MFHAS1: variants seen among roughly 807,000 people sequenced by gnomAD.
MFHAS1 encodes the protein malignant fibrous histiocytoma-amplified sequence 1.
Under a neutral mutation model 70.4 loss-of-function variants are expected in MFHAS1, and 50 were observed. The ratio of observed to expected loss-of-function variants is 0.71; its 90% CI spans 0.57 to 0.90. The LOEUF is 0.90. MFHAS1 is among the 40% of genes least tolerant of loss of function. The pLI is 0.00. For missense variants in MFHAS1, 1,795 were observed against 1,347.6 expected, an observed-to-expected ratio of 1.33 and a Z score of -5.20; for synonymous variants, 952 against 620.0, an observed-to-expected ratio of 1.54 and a Z score of -7.96.
At chr8:8,832,052 GCGCGCGCGCGCA>G (rs1807411667) in intron 1 of MFHAS1, among the ~76,000 whole-genome samples, 1 of 35,812 alleles carries the variant, frequency 2.8e-5, no homozygotes, top group African/African-American at 7.7e-5. Context: ...ACATGCACGC[GCGCGCGCGCGCA>G]CACACACACA....
intron 1 of MFHAS1, among the ~76,000 whole-genome samples, chr8:8,873,151 T>C (rs1454509577): frequency 6.6e-6 from 1 of 152,272 alleles, no homozygotes; most frequent in Non-Finnish European, 1.5e-5. Context: ...TTTCTATTTT[T>C]AGTTCTTCCA....
At chr8:8,881,964 C>T (rs1809543100) in intron 1 of MFHAS1, among the ~76,000 whole-genome samples, 1 of 152,100 alleles carries the variant, frequency 6.6e-6, no homozygotes, top group Non-Finnish European at 1.5e-5. Flanking sequence ...TGCTAAGTGC[C>T]CCTTGCCCAC....
chr8:8,870,963 C>G (rs898749471), intron 1 of MFHAS1, among the ~76,000 whole-genome samples: 6 of 152,166 alleles, frequency 3.9e-5, no homozygotes, highest in African/African-American at 1.4e-4. Flanking sequence ...CTCTGTTGCC[C>G]AGGCTGGAGT....
intron 1 of MFHAS1, among the ~76,000 whole-genome samples, chr8:8,853,466 TA>T (rs58475480): frequency 0.088 from 10,601 of 120,118 alleles, 1,020 homozygotes; most frequent in African/African-American, 0.26. Flanking sequence ...TGCTCATTCT[TA>T]AAAAAAAAAA....
chr8:8,837,201 T>G (rs1330981040), intron 1 of MFHAS1, among the ~76,000 whole-genome samples: 1 of 152,212 alleles, frequency 6.6e-6, no homozygotes. Flanking sequence ...AATGTTCTGC[T>G]GAGTTGAGCA....
chr8:8,851,466 A>C (rs1808245373), intron 1 of MFHAS1, among the ~76,000 whole-genome samples: 1 of 152,218 alleles, frequency 6.6e-6, no homozygotes. Context: ...AGATACCACA[A>C]AACAGGCTCT....
chr8:8,787,222 A>G (rs1805578775), intron 2 of MFHAS1, among the ~76,000 whole-genome samples: 1 of 151,960 alleles, frequency 6.6e-6, no homozygotes, highest in Non-Finnish European at 1.5e-5. Flanking sequence ...CTAGGACTAC[A>G]TGTGCCCGCC....
intron 2 of MFHAS1, 27 bp from the exon 3 acceptor site, chr8:8,786,082 CAG>C (rs1419154330): frequency 1.2e-6 from 2 of 1,608,862 alleles, no homozygotes. Context: ...CAAGAAAGCA[CAG>C]AGATGACAAA....
At chr8:8,867,100 A>G (rs1292869928) in intron 1 of MFHAS1, among the ~76,000 whole-genome samples, 1 of 152,242 alleles carries the variant, frequency 6.6e-6, no homozygotes, top group African/African-American at 2.4e-5. Context: ...AATTTCTGAT[A>G]CTGCTAAGGT....
chr8:8,853,364 C>T (rs542570844), intron 1 of MFHAS1, among the ~76,000 whole-genome samples: 12 of 150,204 alleles, frequency 8.0e-5, no homozygotes, highest in African/African-American at 2.4e-4. Flanking sequence ...GCAGAGAAAG[C>T]GGAAGGGAAC....
At chr8:8,886,994 G>A (rs1413530475) in intron 1 of MFHAS1, among the ~76,000 whole-genome samples, 5 of 152,140 alleles carry the variant, frequency 3.3e-5, no homozygotes, top group South Asian at 4.1e-4. Flanking sequence ...AGGTGTGGTG[G>A]CGCATGCCTC....
At chr8:8,803,227 T>G (rs908131096) in intron 1 of MFHAS1, among the ~76,000 whole-genome samples, 2 of 152,088 alleles carry the variant, frequency 1.3e-5, no homozygotes, top group South Asian at 4.2e-4. Flanking sequence ...AAACTGCACC[T>G]GGGCTGGACG....
At position 8,889,422 on chromosome 8, in the gene MFHAS1, C is replaced by T. The variant is rs73662207; in HGVS notation, c.2998+639G>A. On this transcript the variant is annotated intron_variant, in intron 1 of 2. Transcript: ENST00000276282. Reference sequence around the variant, plus strand: ...GTTCACTCCAATTACAAAAGATTTTCTCTGGAATTTCTTAAGAAAAGTGAG... The same window carrying T: ...GTTCACTCCAATTACAAAAGATTTTTTCTGGAATTTCTTAAGAAAAGTGAG... Among the ~76,000 whole-genome samples the T allele has an allele frequency of 3.1e-3, 472 of 152,290 alleles. 1 individual carries two copies. The highest frequency in any genetic ancestry group is 0.01 in the African/African-American group (421 of 41,572).
chr8:8,848,424 C>G (rs1808113171), intron 1 of MFHAS1, among the ~76,000 whole-genome samples: 1 of 150,322 alleles, frequency 6.7e-6, no homozygotes, highest in Non-Finnish European at 1.5e-5. Context: ...GAAGCCATGC[C>G]ATCCCACTTC....
intron 1 of MFHAS1, among the ~76,000 whole-genome samples, chr8:8,813,635 CAA>C (rs1396116214): frequency 1.3e-5 from 2 of 152,094 alleles, no homozygotes; most frequent in East Asian, 1.9e-4. Context: ...TATAAAGAAA[CAA>C]TATTTTTGTA....
At chr8:8,858,915 C>A (rs911726132) in intron 1 of MFHAS1, among the ~76,000 whole-genome samples, 2 of 152,212 alleles carry the variant, frequency 1.3e-5, no homozygotes, top group Non-Finnish European at 2.9e-5. Flanking sequence ...TAGAGGAACA[C>A]AAGCCAGATA....
At chr8:8,852,695 T>C (rs755128633) in intron 1 of MFHAS1, among the ~76,000 whole-genome samples, 3 of 152,208 alleles carry the variant, frequency 2.0e-5, no homozygotes, top group Non-Finnish European at 4.4e-5. Flanking sequence ...CATGCATTAA[T>C]TCCGTTCTGA....
intron 2 of MFHAS1, among the ~76,000 whole-genome samples, chr8:8,790,589 A>C (rs970524755): frequency 6.6e-6 from 1 of 152,214 alleles, no homozygotes; most frequent in African/African-American, 2.4e-5. Flanking sequence ...ATCAATGTGA[A>C]ACACCCCACA....
At chr8:8,877,846 C>A (rs751495494) in intron 1 of MFHAS1, among the ~76,000 whole-genome samples, 1 of 152,210 alleles carries the variant, frequency 6.6e-6, no homozygotes. Flanking sequence ...CAAGTGTCTA[C>A]CAGTCCATGA....
Sources: allele counts gnomAD v4.1 joint callset (sites outside exome capture counted in the v4.1 genomes callset), GRCh38; gene constraint gnomAD v4.1.1; transcripts MANE v1.5; gene names NCBI Gene and HGNC (gene_info 2026-07-23, HGNC 2026-07-21).